The following FAM3B variants were observed in gnomAD, a reference collection of about 807,000 sequenced individuals.
The protein encoded by FAM3B is FAM3 metabolism regulating signaling molecule B, also known as protein FAM3B.
A neutral mutation model predicts 28.4 loss-of-function variants in FAM3B; 29 were observed. The ratio of observed to expected loss-of-function variants is 1.02; its 90% confidence interval spans 0.76 to 1.39. The LOEUF (loss-of-function observed/expected upper bound fraction) is 1.39. FAM3B is among the 40% of genes most tolerant of loss of function. The pLI is 0.00. For missense variants in FAM3B, 266 were observed against 293.9 expected (o/e 0.91, Z 0.69); for synonymous variants, 91 against 103.0 (o/e 0.88, Z 0.71).
rs759204215 is a variant in FAM3B at position 41,316,908 on chromosome 21, C to T, written c.19+10C>T. 2.9e-6 allele frequency: 4 copies of T among 1,360,438 alleles called. No individual in the cohort carries two copies. In the Admixed American group the frequency reaches 1.1e-4, roughly 36 times the overall value. 84.3% of individuals were successfully genotyped at this position (1,360,438 alleles called of 1,614,324 possible). On this transcript the variant is annotated intron_variant, in intron 1 of 7. Transcript: ENST00000357985. ...CGCCCATTGGCTGGTGGTGAGTGCG[C>T]CCCCGCCTCGGGGCGAGGGTAGGGG...
At chr21:41,322,782 C>A in intron 1 of FAM3B, 141 bp from the exon 2 acceptor site, 2 of 1,234,004 alleles carry the variant, frequency 1.6e-6, no homozygotes, top group Non-Finnish European at 2.4e-6. Flanking sequence ...ACCCTGGGAG[C>A]CTCCTCCCAG....
chr21:41,317,738 G>A (rs2088762983), intron 1 of FAM3B, among the ~76,000 whole-genome samples: 1 of 152,156 alleles, frequency 6.6e-6, no homozygotes, highest in African/African-American at 2.4e-5. Flanking sequence ...TCTGTAGTGA[G>A]GGTGTTGGAC....
intron 1 of FAM3B, chr21:41,304,434 C>G: frequency 2.7e-6 from 1 of 367,202 alleles, no homozygotes. Context: ...TTGCCTGCAC[C>G]GGCGGTTTCC....
chr21:41,305,885 T>C (rs1354272617), intron 1 of FAM3B, among the ~76,000 whole-genome samples: 1 of 152,212 alleles, frequency 6.6e-6, no homozygotes, highest in Non-Finnish European at 1.5e-5. Context: ...GTTTGCCACA[T>C]CAATTGACAA....
chr21:41,345,655 T>C lies in FAM3B; in HGVS notation c.347-31T>C, dbSNP rs555771642. On this transcript the variant is annotated intron_variant, in intron 4 of 7. Coordinates refer to ENST00000357985, the MANE Select transcript of FAM3B (RefSeq NM_058186.4). ...AAGTGCGCCCTAGTTCTGTGAACTTTCTTTTAAAATACCATTTCTTTTATT... is the reference window on the plus strand; with the variant it reads ...AAGTGCGCCCTAGTTCTGTGAACTTCCTTTTAAAATACCATTTCTTTTATT... 1.5e-5 allele frequency: 22 copies of C among 1,464,758 alleles called. No homozygotes were observed. In the East Asian group the frequency reaches 4.5e-4, roughly 30 times the overall value. 90.7% of individuals were successfully genotyped at this position (1,464,758 alleles called of 1,614,324 possible).
At chr21:41,349,610 G>A (rs955691319) in intron 7 of FAM3B, among the ~76,000 whole-genome samples, 3 of 152,126 alleles carry the variant, frequency 2.0e-5, no homozygotes, top group Non-Finnish European at 4.4e-5. Flanking sequence ...CTGTGGATAC[G>A]GGTCTGGGAA....
chr21:41,316,978 C>T (rs998296055), intron 1 of FAM3B, 80 bp downstream of exon 1: 2 of 1,181,934 alleles, frequency 1.7e-6, no homozygotes, highest in Non-Finnish European at 1.1e-6. Flanking sequence ...CCAACCCTGC[C>T]TGGGACCCGC....
intron 1 of FAM3B, among the ~76,000 whole-genome samples, chr21:41,304,893 A>C (rs1050027212): frequency 1.3e-5 from 2 of 152,148 alleles, no homozygotes; most frequent in African/African-American, 4.8e-5. Context: ...GCTATGGTCA[A>C]CCAGCAAAGG....
At chr21:41,354,514 A>AT (rs1326170023) in intron 7 of FAM3B, among the ~76,000 whole-genome samples, 1 of 152,232 alleles carries the variant, frequency 6.6e-6, no homozygotes, top group Non-Finnish European at 1.5e-5. Flanking sequence ...AAAGAATGAG[A>AT]TAATGTTCTT....
intron 3 of FAM3B, among the ~76,000 whole-genome samples, chr21:41,340,177 CAG>C (rs1268804588): frequency 1.6e-4 from 21 of 130,934 alleles, no homozygotes; most frequent in African/African-American, 5.5e-4. Context: ...TTTTTTGAGA[CAG>C]AGTCTCACTC....
intron 2 of FAM3B, among the ~76,000 whole-genome samples, chr21:41,323,730 A>C (rs915650494): frequency 2.0e-5 from 3 of 152,134 alleles, no homozygotes; most frequent in Non-Finnish European, 2.9e-5. Context: ...TGAACAAATG[A>C]GATTCGAGAG....
At chr21:41,311,249 AAAATATATATATATATATATATATAT>A (rs1427091811) in intron 1 of FAM3B, among the ~76,000 whole-genome samples, 738 of 56,654 alleles carry the variant, frequency 0.013, 53 homozygotes, top group African/African-American at 0.049. Flanking sequence ...AAAAAAAAAA[AAAATATATATATATATATATATATAT>A]ATATATATAT....
At chr21:41,315,456 A>G (rs2088741691), upstream of FAM3B, among the ~76,000 whole-genome samples, 2 of 149,610 alleles carry the variant, frequency 1.3e-5, no homozygotes. Context: ...AAAATTGAAA[A>G]CAAACCCAGA....
intron 6 of FAM3B, among the ~76,000 whole-genome samples, chr21:41,347,765 A>G (rs1333661365): frequency 1.7e-4 from 25 of 148,774 alleles, no homozygotes; most frequent in Admixed American, 5.3e-4. Context: ...AAAAAAAAAA[A>G]AAAAGAGGAA....
intron 1 of FAM3B, among the ~76,000 whole-genome samples, chr21:41,318,863 G>A (rs1010580068): frequency 2.0e-5 from 3 of 152,140 alleles, no homozygotes; most frequent in Admixed American, 6.6e-5. Context: ...TATCCATTTG[G>A]TTTCAGTATT....
At chr21:41,347,214 G>C (rs1568922465) in intron 6 of FAM3B, 114 bp downstream of exon 6, 1 of 827,740 alleles carries the variant, frequency 1.2e-6, no homozygotes, top group Non-Finnish European at 2.1e-6. Context: ...CAGGAGCAAA[G>C]TACTTCTCTA....
At chr21:41,309,107 G>A (rs1370656838) in intron 1 of FAM3B, among the ~76,000 whole-genome samples, 2 of 152,204 alleles carry the variant, frequency 1.3e-5, no homozygotes, top group African/African-American at 4.8e-5. Context: ...CACTTCAGTT[G>A]CCTAATGGGT....
At chr21:41,349,731 A>G (rs2089098345) in intron 7 of FAM3B, among the ~76,000 whole-genome samples, 1 of 152,176 alleles carries the variant, frequency 6.6e-6, no homozygotes, top group African/African-American at 2.4e-5. Context: ...ACACAACCAG[A>G]CAACTTGGAA....
At chr21:41,334,167 A>G (rs2088932296) in intron 2 of FAM3B, among the ~76,000 whole-genome samples, 1 of 152,228 alleles carries the variant, frequency 6.6e-6, no homozygotes, top group Non-Finnish European at 1.5e-5. Context: ...CAGAGCATAA[A>G]AGTTTGGAAA....
Sources: allele counts gnomAD v4.1 joint callset (sites outside exome capture counted in the v4.1 genomes callset), GRCh38; gene constraint gnomAD v4.1.1; transcripts MANE v1.5; gene names NCBI Gene and HGNC (gene_info 2026-07-23, HGNC 2026-07-21).